The following TSPAN15 variants were observed in gnomAD, a reference collection of about 807,000 sequenced individuals.
TSPAN15 encodes the protein tetraspanin-15.
A neutral mutation model predicts 34.5 loss-of-function variants in TSPAN15; 20 were observed. That is an observed-to-expected ratio of 0.58 (90% CI 0.41 to 0.84). TSPAN15 has a LOEUF of 0.84. TSPAN15 is among the 40% of genes least tolerant of loss of function. The probability of loss-of-function intolerance (pLI) is 0.00; values close to 1 mark genes in which losing one functional copy is unlikely to be tolerated. For missense variants in TSPAN15, 313 were observed against 386.1 expected (o/e 0.81, Z 1.59); for synonymous variants, 155 against 153.9 (o/e 1.01, Z -0.05).
intron 3 of TSPAN15, among the ~76,000 whole-genome samples, chr10:69,487,269 A>G (rs1024121202): frequency 6.6e-6 from 1 of 152,144 alleles, no homozygotes; most frequent in African/African-American, 2.4e-5. Context: ...TGGCCATCCT[A>G]TCAATGGAGT....
intron 5 of TSPAN15, among the ~76,000 whole-genome samples, chr10:69,499,473 C>G (rs1003602235): frequency 1.3e-5 from 2 of 152,148 alleles, no homozygotes; most frequent in African/African-American, 4.8e-5. Flanking sequence ...GATCCTGAAC[C>G]TCATCACCCA....
chr10:69,475,309 C>A (rs895799413), intron 1 of TSPAN15, among the ~76,000 whole-genome samples: 2 of 152,126 alleles, frequency 1.3e-5, no homozygotes, highest in African/African-American at 4.8e-5. Flanking sequence ...AGCCATAAAC[C>A]ATTTCTCAGA....
At chr10:69,452,386 A>T (rs1007195059) in intron 1 of TSPAN15, among the ~76,000 whole-genome samples, 3 of 152,140 alleles carry the variant, frequency 2.0e-5, no homozygotes, top group Non-Finnish European at 2.9e-5. Flanking sequence ...TTTTTATTTA[A>T]AACATTGCTA....
intron 1 of TSPAN15, among the ~76,000 whole-genome samples, chr10:69,468,733 G>A (rs769931201): frequency 2.0e-5 from 3 of 151,320 alleles, no homozygotes; most frequent in Non-Finnish European, 4.4e-5. Flanking sequence ...TCCCAGAAAG[G>A]GCATTCTTCC....
intron 3 of TSPAN15, among the ~76,000 whole-genome samples, chr10:69,489,296 C>T (rs527257695): frequency 7.2e-5 from 11 of 152,274 alleles, no homozygotes; most frequent in East Asian, 1.9e-4. Flanking sequence ...CCCTGAAAAT[C>T]GCTGTTATTC....
At chr10:69,498,155 C>T (rs983155711) in intron 4 of TSPAN15, 125 bp from the exon 5 acceptor site, 1 of 783,798 alleles carries the variant, frequency 1.3e-6, no homozygotes, top group South Asian at 1.6e-5. Context: ...AAGTGTACAG[C>T]CTCTCCCTGC....
chr10:69,487,273 A>G (rs1205001154), intron 3 of TSPAN15, among the ~76,000 whole-genome samples: 3 of 152,140 alleles, frequency 2.0e-5, no homozygotes, highest in African/African-American at 4.8e-5. Flanking sequence ...CATCCTATCA[A>G]TGGAGTCATG....
At chr10:69,525,079 C>T in the TSPAN15 span, among the ~76,000 whole-genome samples, 1 of 147,268 alleles carries the variant, frequency 6.8e-6, no homozygotes, top group South Asian at 2.2e-4. Flanking sequence ...CCGTGCCTGG[C>T]CTATATACAT....
rs529277010 is a variant in TSPAN15, at chr10:69,507,013, G to A, written c.*35G>A. On this transcript the variant is annotated 3_prime_UTR_variant, in exon 8 of 8. Coordinates refer to ENST00000373290, the MANE Select transcript of TSPAN15 (RefSeq NM_012339.5). ...TGCCATGGCAGCTCCAACAAGGACC[G>A]TCTGGGATAGCACCTCTCAGTCAAC... The A allele has an allele frequency of 3.6e-5, 58 of 1,596,420 alleles. No homozygotes were observed. The highest frequency in any genetic ancestry group is 2.5e-4 in the East Asian group (11 of 44,300).
intron 1 of TSPAN15, among the ~76,000 whole-genome samples, chr10:69,471,881 C>T (rs924123802): frequency 6.6e-6 from 1 of 152,228 alleles, no homozygotes; most frequent in Non-Finnish European, 1.5e-5. Context: ...GCATGAACCA[C>T]TGCTCCCAGC....
At chr10:69,510,825 T>C (rs987523024), downstream of TSPAN15, among the ~76,000 whole-genome samples, 1 of 152,224 alleles carries the variant, frequency 6.6e-6, no homozygotes, top group African/African-American at 2.4e-5. Flanking sequence ...CTGCATCTAT[T>C]GAGATAATCA....
the TSPAN15 span, among the ~76,000 whole-genome samples, chr10:69,530,697 T>C: frequency 1.4e-5 from 2 of 139,970 alleles, no homozygotes; most frequent in African/African-American, 2.6e-5. Context: ...TCCCAGCTAT[T>C]TGGGAGGCTG....
the TSPAN15 span, among the ~76,000 whole-genome samples, chr10:69,513,074 T>A: frequency 6.6e-6 from 1 of 152,226 alleles, no homozygotes; most frequent in African/African-American, 2.4e-5. Context: ...AGTTCTGGTT[T>A]CCCTACATCC....
intron 1 of TSPAN15, among the ~76,000 whole-genome samples, chr10:69,462,167 T>TTTG (rs1841280849): frequency 1.1e-4 from 15 of 140,740 alleles, no homozygotes; most frequent in African/African-American, 2.8e-4. Context: ...TTTTTTTTTT[T>TTTG]TTTTTTTTTT....
intron 3 of TSPAN15, among the ~76,000 whole-genome samples, chr10:69,489,518 A>G (rs373447859): frequency 6.6e-6 from 1 of 152,234 alleles, no homozygotes; most frequent in Non-Finnish European, 1.5e-5. Flanking sequence ...AATCGTCACA[A>G]TTTATGTTCC....
At chr10:69,495,539 G>A (rs1842061046) in intron 3 of TSPAN15, 55 bp from the exon 4 acceptor site, 1 of 1,369,558 alleles carries the variant, frequency 7.3e-7, no homozygotes, top group Admixed American at 1.7e-5. Flanking sequence ...AAAACCTTGG[G>A]TTGGACTCCG....
At chr10:69,488,182 A>G (rs2133122407) in intron 3 of TSPAN15, among the ~76,000 whole-genome samples, 1 of 152,036 alleles carries the variant, frequency 6.6e-6, no homozygotes, top group Non-Finnish European at 1.5e-5. Flanking sequence ...ATTTTTTTTT[A>G]TAATCAAGGG....
intron 1 of TSPAN15, among the ~76,000 whole-genome samples, chr10:69,457,246 A>G (rs1841131902): frequency 6.6e-6 from 1 of 152,194 alleles, no homozygotes; most frequent in African/African-American, 2.4e-5. Flanking sequence ...GCCTGTGCAC[A>G]CAGTAGGTGC....
intron 1 of TSPAN15, among the ~76,000 whole-genome samples, chr10:69,472,336 C>T (rs1018930416): frequency 1.3e-5 from 2 of 152,176 alleles, no homozygotes; most frequent in Non-Finnish European, 2.9e-5. Flanking sequence ...TCCGTTCAAA[C>T]GTAACCTCCT....
Sources: allele counts gnomAD v4.1 joint callset (sites outside exome capture counted in the v4.1 genomes callset), GRCh38; gene constraint gnomAD v4.1.1; transcripts MANE v1.5; gene names NCBI Gene and HGNC (gene_info 2026-07-23, HGNC 2026-07-21).